The following NKAIN1 variants were observed in gnomAD, a reference collection of about 807,000 sequenced individuals.
The protein encoded by NKAIN1 is sodium/potassium transporting ATPase interacting 1, also known as sodium/potassium-transporting ATPase subunit beta-1-interacting protein 1.
In NKAIN1, 13 loss-of-function variants were observed where a neutral mutation model predicts 31.6. The ratio of observed to expected loss-of-function variants is 0.41; its 90% CI spans 0.27 to 0.65. The LOEUF is 0.65. Ranked by LOEUF, NKAIN1 falls within the 30% of genes least tolerant of loss-of-function variation. The probability of loss-of-function intolerance (pLI) is 0.30; values close to 1 mark genes in which losing one functional copy is unlikely to be tolerated. For synonymous variants in NKAIN1, 104 were observed against 109.0 expected (o/e 0.95, Z 0.28); for missense variants, 193 against 262.2 (o/e 0.74, Z 1.82).
intron 1 of NKAIN1, among the ~76,000 whole-genome samples, chr1:31,213,786 G>T (rs1212833253): frequency 6.6e-6 from 1 of 151,986 alleles, no homozygotes; most frequent in African/African-American, 2.4e-5. Flanking sequence ...CTTGAGCCCA[G>T]GAATTCAAAA....
At chr1:31,216,413 G>A (rs1312932679) in intron 1 of NKAIN1, among the ~76,000 whole-genome samples, 1 of 152,174 alleles carries the variant, frequency 6.6e-6, no homozygotes, top group Non-Finnish European at 1.5e-5. Context: ...ATCTCTCCAA[G>A]TTTAGAACAC....
chr1:31,182,549 G>A lies in NKAIN1; in HGVS notation c.513C>T (p.Phe171=), dbSNP rs376895441. 18 of 1,614,136 alleles carry A rather than the reference G, an allele frequency of 1.1e-5. 2 individuals carry two copies. The South Asian group carries it at 2.0e-4, about 18-fold the overall frequency. Residue 171 remains phenylalanine, a synonymous_variant, in exon 5 of 7, where the codon TTC becomes TTT. Transcript: ENST00000373736. ...ACTCACAGCTGTCCTCCTCCTCCAG[G>A]AACACTTTGCTCACGTAGCAGGCGA... The part of the protein sequence containing the change: ...FVFACYVSKV[F]LEEEDSFDFI...
intron 3 of NKAIN1, 60 bp from the exon 4 acceptor site, chr1:31,184,074 C>T: frequency 6.1e-6 from 9 of 1,475,086 alleles, no homozygotes; most frequent in Middle Eastern, 2.3e-4. Flanking sequence ...GAGCTACTCC[C>T]CCAGCCCAGG....
At chr1:31,205,012 C>T (rs1014524455) in intron 1 of NKAIN1, among the ~76,000 whole-genome samples, 10 of 152,320 alleles carry the variant, frequency 6.6e-5, no homozygotes, top group African/African-American at 2.2e-4. Context: ...CCTAATGCCT[C>T]GGTTTCCTCA....
chr1:31,223,375 CAA>C (rs746638007), intron 1 of NKAIN1, among the ~76,000 whole-genome samples: 1,338 of 106,616 alleles, frequency 0.013, 22 homozygotes, highest in African/African-American at 0.041. Context: ...GACTCCATCT[CAA>C]AAAAAAAAAA....
At position 31,186,350 on chromosome 1, in the gene NKAIN1, G is replaced by A. The variant is rs1215277987; in HGVS notation, c.193-1023C>T. Among the ~76,000 whole-genome samples the A allele has an allele frequency of 9.1e-4, 120 of 132,008 alleles. 1 individual carries two copies. The highest frequency in any genetic ancestry group is 2.9e-3 in the African/African-American group (103 of 35,732). The allele number at this position is 132,008 out of a possible 152,430, so 86.6% of individuals were successfully genotyped here. ...GGACTCCAGCCTGGGCAACAAGAGC[G>A]AAACTCCGTCTCAAAAAAAAAAAAA... On this transcript the variant is annotated intron_variant, in intron 2 of 6. Coordinates refer to ENST00000373736, the MANE Select transcript of NKAIN1 (RefSeq NM_024522.3).
Position 31,192,132 on chromosome 1 carries a change from T to G in NKAIN1, c.55-3945A>C, listed in dbSNP as rs79323363. Among the ~76,000 whole-genome samples, 615 of 152,242 alleles carry G rather than the reference T, an allele frequency of 4.0e-3. 37 individuals carry two copies. In the East Asian group the frequency reaches 0.099, roughly 24 times the overall value. ...TTTCACAGTGTAGCTCAGTTCCCTC[T>G]TTTGGTAGGAAGGCCTCCCTGACTG... On this transcript the variant is annotated intron_variant, in intron 1 of 6. Coordinates refer to ENST00000373736, the MANE Select transcript of NKAIN1 (RefSeq NM_024522.3).
chr1:31,228,080 A>G (rs1489445733), intron 1 of NKAIN1, among the ~76,000 whole-genome samples: 2 of 152,212 alleles, frequency 1.3e-5, no homozygotes, highest in South Asian at 2.1e-4. Context: ...GCATCCTGGC[A>G]TCATTAGGGA....
chr1:31,182,446 C>T (rs896670806), intron 5 of NKAIN1, 84 bp downstream of exon 5: 1 of 1,510,988 alleles, frequency 6.6e-7, no homozygotes, highest in Non-Finnish European at 9.2e-7. Flanking sequence ...GGCTCCCTCC[C>T]GCCGGGGCCA....
intron 1 of NKAIN1, among the ~76,000 whole-genome samples, chr1:31,213,895 G>T (rs1645489364): frequency 6.6e-6 from 1 of 152,028 alleles, no homozygotes; most frequent in Non-Finnish European, 1.5e-5. Flanking sequence ...TTGGGAGGCT[G>T]AGGCATGGGG....
chr1:31,190,934 C>T (rs114057620), intron 1 of NKAIN1, among the ~76,000 whole-genome samples: 121 of 152,296 alleles, frequency 7.9e-4, no homozygotes, highest in African/African-American at 2.7e-3. Context: ...CATCAGAGGA[C>T]GGAGGAGGCT....
At chr1:31,222,567 G>A (rs1645572291) in intron 1 of NKAIN1, among the ~76,000 whole-genome samples, 1 of 152,186 alleles carries the variant, frequency 6.6e-6, no homozygotes, top group Admixed American at 6.5e-5. Context: ...TTCAGCTGGT[G>A]CAGGGTGAGA....
intron 1 of NKAIN1, among the ~76,000 whole-genome samples, chr1:31,189,406 T>C (rs961780529): frequency 2.0e-5 from 3 of 152,082 alleles, no homozygotes; most frequent in Admixed American, 1.3e-4. Flanking sequence ...AACATCCACC[T>C]GCCAGGTTCA....
intron 2 of NKAIN1, among the ~76,000 whole-genome samples, chr1:31,187,245 A>G (rs749474303): frequency 3.3e-5 from 5 of 152,136 alleles, no homozygotes; most frequent in Admixed American, 6.6e-5. Flanking sequence ...TATGTAGTAA[A>G]TCTAGTGAAA....
chr1:31,211,656 T>C (rs1380806559), intron 1 of NKAIN1, among the ~76,000 whole-genome samples: 1 of 151,118 alleles, frequency 6.6e-6, no homozygotes. Flanking sequence ...TATGGAAATA[T>C]GTGGAATCTT....
chr1:31,188,334 G>T (rs992786570), intron 1 of NKAIN1, 147 bp from the exon 2 acceptor site: 2 of 835,278 alleles, frequency 2.4e-6, no homozygotes, highest in African/African-American at 3.4e-5. Context: ...CTACCAAAGG[G>T]ATGCTGGGGG....
chr1:31,223,237 A>T (rs1479255867), intron 1 of NKAIN1, among the ~76,000 whole-genome samples: 13 of 151,982 alleles, frequency 8.6e-5, no homozygotes, highest in Admixed American at 8.5e-4. Flanking sequence ...TTAGCTGGGC[A>T]TGGTGGCAGG....
At chr1:31,227,103 G>A (rs1645614082) in intron 1 of NKAIN1, among the ~76,000 whole-genome samples, 1 of 152,216 alleles carries the variant, frequency 6.6e-6, no homozygotes, top group Non-Finnish European at 1.5e-5. Flanking sequence ...AGGATTACAG[G>A]TGTGAACCAC....
chr1:31,192,582 G>A (rs1361057757), intron 1 of NKAIN1, among the ~76,000 whole-genome samples: 2 of 151,424 alleles, frequency 1.3e-5, no homozygotes, highest in African/African-American at 2.4e-5. Context: ...ATGGAGTCTC[G>A]CTCTGTCGCC....
Sources: gnomAD v4.1 joint callset for allele counts (sites outside exome capture counted in the v4.1 genomes callset) on GRCh38, gnomAD v4.1.1 for gene constraint, MANE v1.5 for transcripts, NCBI Gene and HGNC (gene_info 2026-07-23, HGNC 2026-07-21) for gene names.